Variants in PITPNM2 observed in about 807,000 individuals in gnomAD.
PITPNM2 encodes membrane-associated phosphatidylinositol transfer protein 2.
A neutral mutation model predicts 132.2 loss-of-function variants in PITPNM2; 35 were observed. That is an observed-to-expected ratio of 0.26 (90% CI 0.20 to 0.35). The LOEUF (loss-of-function observed/expected upper bound fraction) is 0.35. PITPNM2 is among the 10% of genes least tolerant of loss of function. The pLI is 1.00. For synonymous variants in PITPNM2, 738 were observed against 799.2 expected (o/e 0.92, Z 1.29); for missense variants, 1,332 against 1,912.0 (o/e 0.70, Z 5.66).
At chr12:123,021,261 C>A (rs1025136466) in intron 3 of PITPNM2, among the ~76,000 whole-genome samples, 2 of 152,142 alleles carry the variant, frequency 1.3e-5, no homozygotes, top group Admixed American at 1.3e-4. Context: ...CAAAAGGGAG[C>A]CACATCTTTA....
chr12:122,995,592 GCCGCCA>G lies in PITPNM2; in HGVS notation c.1845_1850del (p.Gly621_Gly622del). The G allele has an allele frequency of 6.2e-7, 1 of 1,604,484 alleles. No homozygotes were observed. Among genetic ancestry groups the G allele is most frequent in the Non-Finnish European group, 8.5e-7 (1 of 1,179,150 alleles). On this transcript the variant is annotated inframe_deletion, in exon 14 of 26. Transcript: ENST00000320201. ...CACCACTGCTGCCACCACCGCCACC[GCCGCCA>G]CCGCCACCACCGCAGCAGTGTGCTG...
chr12:123,112,776 G>C (rs1258576455), intron 1 of PITPNM2, among the ~76,000 whole-genome samples: 2 of 152,008 alleles, frequency 1.3e-5, no homozygotes, highest in African/African-American at 4.8e-5. Flanking sequence ...CTGACCTCGT[G>C]ATCCGCCCAC....
chr12:123,092,834 C>T (rs1390376529), intron 2 of PITPNM2: 1 of 152,310 alleles, frequency 6.6e-6, no homozygotes, highest in Admixed American at 6.5e-5. Context: ...GCCTCCCTAC[C>T]TCGACCTCTC....
At chr12:123,085,419 G>A (rs540519202) in intron 2 of PITPNM2, among the ~76,000 whole-genome samples, 1 of 152,098 alleles carries the variant, frequency 6.6e-6, no homozygotes. Context: ...AGACACAAAA[G>A]GCCACATATT....
rs373787897 is a variant in PITPNM2, at chr12:123,125,864, G to GTTTT, written c.-199-15380_-199-15377dup. ...CTCAAAAAAAAAAAAAAAAATTAGGGTTTTTTTTTTTTTTTTTTTTTTTGA... is the reference window on the plus strand; with the variant it reads ...CTCAAAAAAAAAAAAAAAAATTAGGGTTTTTTTTTTTTTTTTTTTTTTTTTTTGA... On this transcript the variant is annotated intron_variant, in intron 1 of 25. Coordinates refer to ENST00000320201, the MANE Select transcript of PITPNM2 (RefSeq NM_020845.3). Among the ~76,000 whole-genome samples the GTTTT allele has an allele frequency of 3.3e-3, 214 of 64,856 alleles. 3 individuals are homozygous for GTTTT. Among genetic ancestry groups the GTTTT allele is most frequent in the East Asian group, 4.5e-3 (7 of 1,552 alleles). 42.5% of individuals were successfully genotyped at this position (64,856 alleles called of 152,430 possible).
chr12:123,141,588 C>T (rs779989517), intron 1 of PITPNM2, among the ~76,000 whole-genome samples: 8 of 152,202 alleles, frequency 5.3e-5, no homozygotes, highest in Non-Finnish European at 1.2e-4. Flanking sequence ...GAGCAGCCGT[C>T]TCCTGGAGCA....
At chr12:123,122,475 A>G (rs1053749764) in intron 1 of PITPNM2, among the ~76,000 whole-genome samples, 2 of 152,110 alleles carry the variant, frequency 1.3e-5, no homozygotes, top group Non-Finnish European at 2.9e-5. Flanking sequence ...AAAAAAGAAG[A>G]AAGAAAGAAA....
In PITPNM2 at chr12:122,984,418, T is replaced by A. The variant is rs908405107; in HGVS notation, c.*1609A>T. 6.6e-6 allele frequency: 1 copy of A among 152,628 alleles called. No homozygotes were observed. The highest frequency in any genetic ancestry group is 2.4e-5 in the African/African-American group (1 of 41,462). The allele number at this position is 152,628 out of a possible 1,614,324, so 9.5% of individuals were successfully genotyped here. A position where few individuals can be genotyped will look rare whatever the true frequency, so the allele number is the denominator to read the frequency against. The stretch of plus-strand genomic sequence containing the variant: ...GATATTGCACTTTCACTGCAACAGT[T>A]ACATGAAAACTTGGTCCATAAAATA... On this transcript the variant is annotated 3_prime_UTR_variant, in exon 26 of 26. Coordinates refer to ENST00000320201, the MANE Select transcript of PITPNM2 (RefSeq NM_020845.3).
intron 3 of PITPNM2, among the ~76,000 whole-genome samples, chr12:123,027,644 C>T (rs898418995): frequency 2.6e-5 from 4 of 152,218 alleles, no homozygotes; most frequent in Admixed American, 6.5e-5. Flanking sequence ...CTGATTCAGT[C>T]GGCTGTGGAG....
intron 2 of PITPNM2, among the ~76,000 whole-genome samples, chr12:123,066,139 G>C (rs1229739480): frequency 6.6e-6 from 1 of 152,220 alleles, no homozygotes; most frequent in African/African-American, 2.4e-5. Context: ...AGCTCTTGCA[G>C]GTGCCATGTG....
chr12:123,070,440 G>C (rs751488096), intron 2 of PITPNM2, among the ~76,000 whole-genome samples: 2 of 152,202 alleles, frequency 1.3e-5, no homozygotes, highest in Non-Finnish European at 2.9e-5. Context: ...GCACCCTCAG[G>C]GCCTCATGGC....
At chr12:123,123,871 G>A (rs958934395) in intron 1 of PITPNM2, among the ~76,000 whole-genome samples, 1 of 151,504 alleles carries the variant, frequency 6.6e-6, no homozygotes, top group Admixed American at 6.6e-5. Flanking sequence ...AGGAGGCAGA[G>A]GTTGTAGTGA....
rs2037915598 is a variant in PITPNM2 at position 122,986,052 on chromosome 12, G to A, written c.4025C>T (p.Pro1342Leu). ...CTACTTGGGGCCCGCGGCTGCCCCC[G>A]GCTCCAGGCGGCCAGTCATGGCGCG... Reference protein sequence around the residue: ...WGRAMTGRLEPGAAAGPK With the variant: ...WGRAMTGRLELGAAAGPK Residue 1342 changes from proline (P) to leucine (L), a missense_variant, in exon 26 of 26, where the codon CCG (proline) becomes CTG (leucine). Around this residue, in one of 6 missense-constraint regions of PITPNM2, gnomAD observed 163 missense variants for 177.2 expected, o/e 0.92. Transcript: ENST00000320201. The A allele has an allele frequency of 1.1e-5, 16 of 1,411,606 alleles. No homozygotes were observed. Among genetic ancestry groups the A allele is most frequent in the South Asian group, 1.5e-5 (1 of 65,190 alleles). The allele number at this position is 1,411,606 out of a possible 1,614,324, so 87.4% of individuals were successfully genotyped here.
Position 122,989,880 on chromosome 12 carries a change from T to TGGGGTGGGGGGGGG in PITPNM2, c.2637_2638insCCCCCCCCCACCCC (p.Ser880ProfsTer84). 1.2e-5 allele frequency: 2 copies of TGGGGTGGGGGGGGG among 160,242 alleles called. No homozygotes were observed. Among genetic ancestry groups the TGGGGTGGGGGGGGG allele is most frequent in the Non-Finnish European group, 2.0e-5 (2 of 97,722 alleles). The allele number at this position is 160,242 out of a possible 1,614,324, so 9.9% of individuals were successfully genotyped here. A position where few individuals can be genotyped will look rare whatever the true frequency, so the allele number is the denominator to read the frequency against. On this transcript the variant is annotated frameshift_variant, in exon 18 of 26. Coordinates refer to ENST00000320201, the MANE Select transcript of PITPNM2 (RefSeq NM_020845.3). LOFTEE classifies it high-confidence loss of function. ...GGGTGGGGGCCAGGGGTGGTGGGGC[T>TGGGGTGGGGGGGGG]GGGGGCGGGCAGGGCGAGCAGGGAC...
chr12:123,012,523 C>A (rs949501230), intron 5 of PITPNM2, 90 bp downstream of exon 5: 4 of 1,506,076 alleles, frequency 2.7e-6, no homozygotes, highest in Non-Finnish European at 2.7e-6. Flanking sequence ...CTGGAGTCTA[C>A]CAGGTGTGGG....
chr12:123,056,577 C>T (rs940212631), intron 2 of PITPNM2, among the ~76,000 whole-genome samples: 5 of 151,916 alleles, frequency 3.3e-5, no homozygotes, highest in African/African-American at 1.2e-4. Flanking sequence ...CCAGGAGTGG[C>T]CTCCTGCTGC....
At chr12:123,085,838 A>C (rs1234302008) in intron 2 of PITPNM2, among the ~76,000 whole-genome samples, 2 of 152,210 alleles carry the variant, frequency 1.3e-5, no homozygotes, top group African/African-American at 4.8e-5. Flanking sequence ...AGAGGCTCAC[A>C]GGGCCTGTCT....
At chr12:123,079,720 T>C (rs1273416656) in intron 2 of PITPNM2, among the ~76,000 whole-genome samples, 3 of 152,238 alleles carry the variant, frequency 2.0e-5, no homozygotes, top group African/African-American at 7.2e-5. Flanking sequence ...TGAACATCCA[T>C]ATATTCACCA....
intron 2 of PITPNM2, among the ~76,000 whole-genome samples, chr12:123,056,474 C>A (rs748661911): frequency 2.6e-5 from 4 of 152,182 alleles, no homozygotes; most frequent in African/African-American, 9.7e-5. Flanking sequence ...GGTATGTGGA[C>A]GGCCACTGTG....
Sources: gnomAD v4.1 joint callset for allele counts (sites outside exome capture counted in the v4.1 genomes callset) on GRCh38, gnomAD v4.1.1 for gene constraint, gnomAD v4.1.1 regional missense constraint, MANE v1.5 for transcripts, NCBI Gene and HGNC (gene_info 2026-07-23, HGNC 2026-07-21) for gene names.